RHOT2: variants seen among roughly 807,000 people sequenced by gnomAD.
RHOT2 encodes mitochondrial Rho GTPase 2.
Under a neutral mutation model 81.6 loss-of-function variants are expected in RHOT2, and 90 were observed. The ratio of observed to expected loss-of-function variants is 1.10; its 90% CI spans 0.93 to 1.31. The LOEUF is 1.31. Among genes scored for constraint, RHOT2 ranks in the 40% most tolerant of loss-of-function variants. The pLI, the probability that RHOT2 is intolerant of heterozygous loss-of-function variation, is 0.00. For synonymous variants in RHOT2, 512 were observed against 370.9 expected, an observed-to-expected ratio of 1.38 and a Z score of -4.37; for missense variants, 1,014 against 841.9, an observed-to-expected ratio of 1.20 and a Z score of -2.53.
At position 671,065 on chromosome 16, in the gene RHOT2, T is replaced by G. The variant is rs2038846049; in HGVS notation, c.749-18T>G. On this transcript the variant is annotated intron_variant, in intron 10 of 18. Transcript: ENST00000315082. ...AGGGGGCTGTGCCTGGTGCTCCCCC[T>G]GCTTTGTCTCGGTGCAGGTTTCCTC... 1.2e-6 allele frequency: 2 copies of G among 1,608,252 alleles called. No homozygotes were observed. The highest frequency in any genetic ancestry group is 1.7e-6 in the Non-Finnish European group (2 of 1,179,520).
chr16:668,945 G>A (rs2038413495), intron 4 of RHOT2: 1 of 532,750 alleles, frequency 1.9e-6, no homozygotes, highest in East Asian at 3.3e-5. Flanking sequence ...CTGCCGGGGT[G>A]GCAGCAGCGT....
At chr16:672,870 C>T (rs764962512) in intron 17 of RHOT2, 45 bp downstream of exon 17, 6 of 1,612,482 alleles carry the variant, frequency 3.7e-6, no homozygotes, top group South Asian at 1.1e-5. Context: ...AGGGTCTGTC[C>T]CTCCAGCTGT....
chr16:672,660 A>C (rs1234440691), intron 16 of RHOT2, 43 bp from the exon 17 acceptor site: 1 of 1,610,972 alleles, frequency 6.2e-7, no homozygotes, highest in Non-Finnish European at 8.5e-7. Context: ...CCCTAGGGGG[A>C]CCGAGCCCCA....
chr16:670,505 A>C lies in RHOT2; in HGVS notation c.488A>C (p.Gln163Pro). 6.2e-7 allele frequency: 1 copy of C among 1,608,664 alleles called. No individual in the cohort carries two copies. Among genetic ancestry groups the C allele is most frequent in the Middle Eastern group, 1.7e-4 (1 of 6,036 alleles). ...ATCTCAGAGCTGTTCTACTACGCCC[A>C]GAAGGCCGTCCTGCATCCCACAGCC... Reference protein sequence around the residue: ...RNISELFYYAQKAVLHPTAPL... With the variant: ...RNISELFYYAPKAVLHPTAPL... Residue 163 changes from glutamine to proline, a missense_variant, in exon 8 of 19, where the codon CAG (glutamine) becomes CCG (proline). Physicochemically the swap from Gln to Pro is moderately conservative, Grantham distance 76. Transcript: ENST00000315082.
intron 18 of RHOT2, 71 bp downstream of exon 18, chr16:673,201 C>T (rs1331486729): frequency 6.6e-7 from 1 of 1,508,970 alleles, no homozygotes; most frequent in Non-Finnish European, 9.0e-7. Context: ...GCGGTGGTGT[C>T]AGGCCTGGAA....
chr16:670,379 C>T lies in RHOT2; in HGVS notation c.438+22C>T. On this transcript the variant is annotated intron_variant, in intron 7 of 18. Transcript: ENST00000315082. ...GGAGGTGAGTAGGTCCCAGGCAGGG[C>T]CGCCTCCTTCATTCCTTGTGTTCTC... 4 of 1,610,956 alleles carry T rather than the reference C, an allele frequency of 2.5e-6. No individual in the cohort carries two copies. In the South Asian group the frequency reaches 4.4e-5, roughly 18 times the overall value.
Position 672,314 on chromosome 16 carries a change from G to A in RHOT2, c.1256G>A (p.Cys419Tyr), listed in dbSNP as rs750452462. The A allele has an allele frequency of 1.2e-6, 2 of 1,612,474 alleles. No homozygotes were observed. Among genetic ancestry groups the A allele is most frequent in the Admixed American group, 3.3e-5 (2 of 59,976 alleles). The part of the protein sequence containing the change: ...KGQTQRSVLL[C>Y]KVVGARGVGK... ...CAGACGCAGCGGAGCGTCCTCCTGT[G>A]CAAGGTGGTAGGGGCCCGTGGAGTG... Residue 419 changes from cysteine (C) to tyrosine (Y), a missense_variant, in exon 15 of 19, where the codon TGC (cysteine) becomes TAC (tyrosine). Cys to Tyr is a radical substitution (Grantham distance 194, BLOSUM62 -2). Coordinates refer to ENST00000315082, the MANE Select transcript of RHOT2 (RefSeq NM_138769.3).
Position 670,178 on chromosome 16 carries a change from A to G in RHOT2, c.329+3A>G, listed in dbSNP as rs2038677517. On this transcript the variant is annotated splice_donor_region_variant and intron_variant, in intron 6 of 18. Coordinates refer to ENST00000315082, the MANE Select transcript of RHOT2 (RefSeq NM_138769.3). ...GGGGGGACCACGCAGGGGCCCAGGT[A>G]ATGAGGGGATGTGGAAGGGGCTGGG... 6.2e-7 allele frequency: 1 copy of G among 1,606,298 alleles called. No homozygotes were observed. Among genetic ancestry groups the G allele is most frequent in the Middle Eastern group, 1.7e-4 (1 of 6,024 alleles).
intron 18 of RHOT2, 123 bp from the exon 19 acceptor site, chr16:673,357 C>T (rs1170080797): frequency 1.4e-6 from 2 of 1,457,598 alleles, no homozygotes; most frequent in Non-Finnish European, 1.9e-6. Flanking sequence ...CCTCCACCGG[C>T]TGTGCCTCTG....
intron 3 of RHOT2, 34 bp downstream of exon 3, chr16:668,603 C>G: frequency 6.2e-7 from 1 of 1,609,804 alleles, no homozygotes. Context: ...GCCCGGCCCG[C>G]AGCGGTCCGG....
chr16:672,578 G>A lies in RHOT2; in HGVS notation c.1404+12G>A. ...AGAAGTACTTGATCGTGAGTGCTGGGGCGGCGCGGCCTGTGCCCGAGGGTG... is the reference window on the plus strand; with the variant it reads ...AGAAGTACTTGATCGTGAGTGCTGGAGCGGCGCGGCCTGTGCCCGAGGGTG... On this transcript the variant is annotated intron_variant, in intron 16 of 18. Transcript: ENST00000315082. The A allele has an allele frequency of 1.2e-6, 2 of 1,612,312 alleles. No individual in the cohort carries two copies. The highest frequency in any genetic ancestry group is 8.5e-7 in the Non-Finnish European group (1 of 1,179,726).
intron 11 of RHOT2, 109 bp from the exon 12 acceptor site, chr16:671,588 C>T (rs2038944028): frequency 1.6e-6 from 2 of 1,232,590 alleles, no homozygotes; most frequent in Middle Eastern, 2.2e-4. Flanking sequence ...GCCTCTGGGT[C>T]CTGTAGGGAG....
In RHOT2 at chr16:672,306, C is replaced by T. The variant is rs751205491; in HGVS notation, c.1248C>T (p.Val416=). Residue 416 remains valine (V), a synonymous_variant, in exon 15 of 19, where the codon GTC becomes GTT. Coordinates refer to ENST00000315082, the MANE Select transcript of RHOT2 (RefSeq NM_138769.3). ...DQEKGQTQRS[V]LLCKVVGARG... is the part of the protein sequence containing the mutation. ...AGAAGGGACAGACGCAGCGGAGCGT[C>T]CTCCTGTGCAAGGTGGTAGGGGCCC... The T allele has an allele frequency of 4.2e-5, 68 of 1,612,308 alleles. No individual in the cohort carries two copies. The Middle Eastern group carries it at 6.6e-4, about 16-fold the overall frequency.
intron 18 of RHOT2, 84 bp downstream of exon 18, chr16:673,214 G>T: frequency 6.9e-7 from 1 of 1,445,094 alleles, no homozygotes; most frequent in Non-Finnish European, 9.5e-7. Context: ...GCCTGGAACT[G>T]GGGACTAGCA....
chr16:670,622 G>A, intron 8 of RHOT2, 53 bp from the exon 9 acceptor site: 1 of 1,602,854 alleles, frequency 6.2e-7, no homozygotes, highest in Non-Finnish European at 8.5e-7. Context: ...GGGTGGGGCG[G>A]TGTGGCAGGT....
chr16:672,150 C>G lies in RHOT2; in HGVS notation c.1164C>G (p.Leu388=). 1 of 1,612,772 alleles carries G rather than the reference C, an allele frequency of 6.2e-7. No individual in the cohort carries two copies. ...TAGGCTACCTGGGCTACCCCACCCT[C>G]TGTGAGCAGGACCAGGCCCATGCCA... is the stretch of plus-strand genomic sequence containing the variant. ...GHLGYLGYPT[L]CEQDQAHAIT... The change falls in exon 14 of 19, where the codon CTC becomes CTG. Residue 388 remains leucine (L), a synonymous_variant. Coordinates refer to ENST00000315082, the MANE Select transcript of RHOT2 (RefSeq NM_138769.3).
chr16:669,614 C>A lies in RHOT2; in HGVS notation c.276+8C>A. On this transcript the variant is annotated splice_region_variant and intron_variant, in intron 5 of 18. Transcript: ENST00000315082. ...GAGGCCACCATTGAGAAGGTGAGCCCTCAGTGCAGACCCCAACAGCAGAGA... is the reference window on the plus strand; with the variant it reads ...GAGGCCACCATTGAGAAGGTGAGCCATCAGTGCAGACCCCAACAGCAGAGA... 6.2e-7 allele frequency: 1 copy of A among 1,611,408 alleles called. No individual in the cohort carries two copies. The highest frequency in any genetic ancestry group is 2.2e-5 in the East Asian group (1 of 44,890).
chr16:668,757 T>C (rs2038373733), intron 4 of RHOT2, 58 bp downstream of exon 4: 3 of 1,519,048 alleles, frequency 2.0e-6, no homozygotes, highest in African/African-American at 1.4e-5. Context: ...CTAATCCGCT[T>C]CGCAGCCTGG....
chr16:670,461 G>A lies in RHOT2; in HGVS notation c.444G>A (p.Ser148=), dbSNP rs1289489667. Residue 148 remains serine, a synonymous_variant, in exon 8 of 19, where the codon TCG becomes TCA. Coordinates refer to ENST00000315082, the MANE Select transcript of RHOT2 (RefSeq NM_138769.3). ...FPEIETCVEC[S]AKNLRNISEL... ...GGCTGTTCCCACTTTCCCAGTGTTC[G>A]GCCAAGAACCTGAGGAACATCTCAG... The A allele has an allele frequency of 5.6e-6, 9 of 1,605,350 alleles. No homozygotes were observed. The highest frequency in any genetic ancestry group is 4.0e-5 in the African/African-American group (3 of 74,754).
Sources: gnomAD v4.1 joint callset for allele counts on GRCh38, gnomAD v4.1.1 for gene constraint, MANE v1.5 for transcripts, NCBI Gene and HGNC (gene_info 2026-07-23, HGNC 2026-07-21) for gene names.